The following GRXCR2 variants were observed in gnomAD, a reference collection of about 807,000 sequenced individuals.
GRXCR2 encodes the protein glutaredoxin domain-containing cysteine-rich protein 2.
A neutral mutation model predicts 24.8 loss-of-function variants in GRXCR2; 23 were observed. The observed-to-expected ratio is 0.93, with a 90% CI of 0.67 to 1.32. The LOEUF is 1.32. GRXCR2 is among the 40% of genes most tolerant of loss of function. GRXCR2 has a pLI of 0.00. For missense variants in GRXCR2, 315 were observed against 303.4 expected (o/e 1.04, Z -0.28); for synonymous variants, 130 against 116.1 (o/e 1.12, Z -0.77).
chr5:145,931,551 G>A (rs947545763), intron 2 of GRXCR2, among the ~76,000 whole-genome samples: 2 of 152,084 alleles, frequency 1.3e-5, no homozygotes, highest in Non-Finnish European at 2.9e-5. Flanking sequence ...TTCATCCTGG[G>A]TCTGTATCCT....
Position 145,859,556 on chromosome 5 carries a change from G to C in GRXCR2, c.*177C>G, listed in dbSNP as rs432793. 529,965 of 621,348 alleles carry C rather than the reference G, an allele frequency of 0.85. 227,048 individuals carry two copies. The highest frequency in any genetic ancestry group is 0.97 in the African/African-American group (52,410 of 54,114). 38.5% of individuals were successfully genotyped at this position (621,348 alleles called of 1,614,324 possible). Reference sequence around the variant, plus strand: ...AATGCCCCTGCCACTTAGACCCACAGAGAGATGTTACCGGCCTCACAAAAT... The same window carrying C: ...AATGCCCCTGCCACTTAGACCCACACAGAGATGTTACCGGCCTCACAAAAT... On this transcript the variant is annotated 3_prime_UTR_variant, in exon 3 of 3. Coordinates refer to ENST00000377976, the MANE Select transcript of GRXCR2 (RefSeq NM_001080516.2).
intron 2 of GRXCR2, among the ~76,000 whole-genome samples, chr5:145,889,244 G>GAATT (rs1756828406): frequency 6.8e-6 from 1 of 147,360 alleles, no homozygotes; most frequent in African/African-American, 2.5e-5. Flanking sequence ...AAGAAAGAAA[G>GAATT]AATTATGCAA....
At chr5:145,927,705 C>T (rs112664250) in intron 2 of GRXCR2, among the ~76,000 whole-genome samples, 1 of 151,970 alleles carries the variant, frequency 6.6e-6, no homozygotes, top group African/African-American at 2.4e-5. Context: ...TTTGTTGTGT[C>T]TCTGCCAGGC....
chr5:145,908,580 T>G (rs2149924753), intron 2 of GRXCR2, among the ~76,000 whole-genome samples: 1 of 152,358 alleles, frequency 6.6e-6, no homozygotes, highest in Non-Finnish European at 1.5e-5. Context: ...AAATTGGACC[T>G]ATTGTTTTGC....
chr5:145,929,199 C>CTA (rs72283862), intron 2 of GRXCR2, among the ~76,000 whole-genome samples: 5,510 of 116,318 alleles, frequency 0.047, 321 homozygotes, highest in East Asian at 0.12. Flanking sequence ...ATATTCCCCC[C>CTA]TATATATATA....
intron 2 of GRXCR2, among the ~76,000 whole-genome samples, chr5:145,889,201 A>AAAGG (rs1561683153): frequency 1.3e-5 from 2 of 149,224 alleles, no homozygotes; most frequent in African/African-American, 4.9e-5. Flanking sequence ...AGAAAGAAAG[A>AAAGG]AAGAAAGAAA....
intron 2 of GRXCR2, among the ~76,000 whole-genome samples, chr5:145,897,278 C>CATAT (rs1756965094): frequency 6.6e-6 from 1 of 151,202 alleles, no homozygotes; most frequent in Admixed American, 6.6e-5. Flanking sequence ...TACATACATA[C>CATAT]ATACATACAA....
At chr5:145,872,087 G>A (rs756715597) in intron 1 of GRXCR2, among the ~76,000 whole-genome samples, 11 of 152,122 alleles carry the variant, frequency 7.2e-5, no homozygotes, top group Non-Finnish European at 1.3e-4. Flanking sequence ...GCTGATTTGC[G>A]TTTCACCATC....
chr5:145,928,902 A>G (rs1358174956), intron 2 of GRXCR2, among the ~76,000 whole-genome samples: 3 of 144,384 alleles, frequency 2.1e-5, no homozygotes, highest in Non-Finnish European at 1.6e-5. Context: ...CTTAAAGTAT[A>G]ATAAAAAAAA....
At chr5:145,913,453 G>C (rs1310823661) in intron 2 of GRXCR2, among the ~76,000 whole-genome samples, 1 of 152,092 alleles carries the variant, frequency 6.6e-6, no homozygotes, top group African/African-American at 2.4e-5. Context: ...AGTCAATTTA[G>C]TTTATACAGT....
chr5:145,863,207 T>C (rs1212632080), intron 2 of GRXCR2, among the ~76,000 whole-genome samples: 1 of 152,248 alleles, frequency 6.6e-6, no homozygotes, highest in Admixed American at 6.5e-5. Context: ...CCGTTCCATC[T>C]AACAGAACAA....
chr5:145,862,472 C>T (rs1354011093), intron 2 of GRXCR2, among the ~76,000 whole-genome samples: 1 of 152,178 alleles, frequency 6.6e-6, no homozygotes, highest in Non-Finnish European at 1.5e-5. Context: ...AAGCACCACT[C>T]TATACAAGGC....
chr5:145,871,183 A>G (rs1261004801), intron 1 of GRXCR2, among the ~76,000 whole-genome samples: 2 of 152,244 alleles, frequency 1.3e-5, no homozygotes, highest in Non-Finnish European at 2.9e-5. Context: ...GGTTTGCATG[A>G]ACTGTGACTT....
At chr5:145,898,874 A>G (rs1301254395) in intron 2 of GRXCR2, among the ~76,000 whole-genome samples, 1 of 151,920 alleles carries the variant, frequency 6.6e-6, no homozygotes, top group African/African-American at 2.4e-5. Flanking sequence ...CCACACTCAC[A>G]ACTCCTATTC....
intron 2 of GRXCR2, among the ~76,000 whole-genome samples, chr5:145,907,077 G>A (rs1044774564): frequency 1.3e-4 from 20 of 152,108 alleles, no homozygotes; most frequent in African/African-American, 3.9e-4. Context: ...GGGTGGCTAA[G>A]GCATAGAGGA....
intron 2 of GRXCR2, among the ~76,000 whole-genome samples, chr5:145,860,435 GA>G (rs919592277): frequency 6.6e-6 from 1 of 152,122 alleles, no homozygotes; most frequent in Admixed American, 6.5e-5. Context: ...CACACAGCTT[GA>G]AAAAGGAAGA....
chr5:145,897,996 A>G (rs535402135), intron 2 of GRXCR2, among the ~76,000 whole-genome samples: 2 of 152,248 alleles, frequency 1.3e-5, no homozygotes, highest in South Asian at 4.1e-4. Context: ...AGACCCAAAC[A>G]TTCTTACAAA....
intron 1 of GRXCR2, among the ~76,000 whole-genome samples, chr5:145,871,133 A>G (rs1255577330): frequency 6.6e-6 from 1 of 152,188 alleles, no homozygotes; most frequent in African/African-American, 2.4e-5. Context: ...ACTTATGAAG[A>G]TCAAGCAACC....
intron 2 of GRXCR2, among the ~76,000 whole-genome samples, chr5:145,922,184 C>T (rs999957703): frequency 2.0e-5 from 3 of 152,198 alleles, no homozygotes; most frequent in African/African-American, 7.2e-5. Flanking sequence ...TGCCACACAC[C>T]CTCTGCCCAG....
Sources: allele counts gnomAD v4.1 joint callset (sites outside exome capture counted in the v4.1 genomes callset), GRCh38; gene constraint gnomAD v4.1.1; transcripts MANE v1.5; gene names NCBI Gene and HGNC (gene_info 2026-07-23, HGNC 2026-07-21).